OPCML: variants seen among roughly 807,000 people sequenced by gnomAD.
OPCML encodes opioid binding protein/cell adhesion molecule like.
OPCML carries 13 observed loss-of-function variants against 37.8 expected under a neutral mutation model. The ratio of observed to expected loss-of-function variants is 0.34; its 90% confidence interval spans 0.22 to 0.55. The LOEUF is 0.55. OPCML is among the 20% of genes least tolerant of loss of function. The pLI, the probability that OPCML is intolerant of heterozygous loss-of-function variation, is 0.91. For missense variants in OPCML, 341 were observed against 435.6 expected (o/e 0.78, Z 1.93); for synonymous variants, 176 against 168.8 (o/e 1.04, Z -0.33).
intron 2 of OPCML, among the ~76,000 whole-genome samples, chr11:132,776,923 C>T (rs946272429): frequency 2.6e-5 from 4 of 152,000 alleles, no homozygotes; most frequent in Non-Finnish European, 5.9e-5. Context: ...TATCAAAGGC[C>T]AGAGGGATCA....
intron 1 of OPCML, among the ~76,000 whole-genome samples, chr11:133,519,535 A>G (rs1279445182): frequency 6.6e-6 from 1 of 152,188 alleles, no homozygotes; most frequent in African/African-American, 2.4e-5. Context: ...AGTTGAAAAT[A>G]AAGGAGAATC....
intron 1 of OPCML, chr11:133,005,311 C>A (rs1475596946): frequency 7.1e-6 from 7 of 985,240 alleles, no homozygotes; most frequent in Non-Finnish European, 8.4e-6. Context: ...TAGATCCATT[C>A]CCCCACATTG....
intron 1 of OPCML, among the ~76,000 whole-genome samples, chr11:133,017,999 G>T (rs756643253): frequency 3.9e-5 from 6 of 152,186 alleles, no homozygotes; most frequent in Non-Finnish European, 4.4e-5. Flanking sequence ...CGCTCTGGGA[G>T]CATGGGATCA....
At chr11:133,462,565 T>C (rs1381553637) in intron 1 of OPCML, among the ~76,000 whole-genome samples, 1 of 151,002 alleles carries the variant, frequency 6.6e-6, no homozygotes, top group Non-Finnish European at 1.5e-5. Flanking sequence ...CGAATGGCAA[T>C]AAGCATGTGA....
rs200689918 is a variant in OPCML at position 133,229,887 on chromosome 11, T to TTG, written c.62-286879_62-286878dup. The stretch of plus-strand genomic sequence containing the variant: ...AGTGCGTATTTCCCTTTCAGTTTTA[T>TTG]TGTGTGTGTGTGGATGTACATGTGG... On this transcript the variant is annotated intron_variant, in intron 1 of 7. Coordinates refer to ENST00000524381, the MANE Select transcript of OPCML (RefSeq NM_001012393.5). 8.8e-3 allele frequency among the ~76,000 whole-genome samples: 1,333 copies of TTG among 152,198 alleles called. 12 individuals carry two copies. Among genetic ancestry groups the TTG allele is most frequent in the East Asian group, 0.029 (150 of 5,176 alleles).
chr11:133,204,058 C>CTAAAAA (rs1938925154), intron 1 of OPCML, among the ~76,000 whole-genome samples: 1 of 66,510 alleles, frequency 1.5e-5, no homozygotes, highest in African/African-American at 5.4e-5. Context: ...GACTCTGTCT[C>CTAAAAA]AAAAAAAAAA....
At chr11:133,300,375 C>A (rs2186826) in intron 1 of OPCML, 88,505 of 151,950 alleles carry the variant, frequency 0.58, 27,087 homozygotes, top group East Asian at 0.85. Context: ...TTTTGTCCCC[C>A]AAACATCCTT....
intron 2 of OPCML, among the ~76,000 whole-genome samples, chr11:132,767,446 G>A (rs552780103): frequency 9.2e-5 from 14 of 152,094 alleles, no homozygotes; most frequent in Admixed American, 7.2e-4. Flanking sequence ...ACCTGAAGCC[G>A]GCACCAAAAG....
chr11:132,887,919 T>C (rs1285639982), intron 2 of OPCML, among the ~76,000 whole-genome samples: 1 of 152,266 alleles, frequency 6.6e-6, no homozygotes, highest in East Asian at 1.9e-4. Context: ...ATACATAGCA[T>C]AGGGAAAGTT....
intron 1 of OPCML, among the ~76,000 whole-genome samples, chr11:133,017,858 C>T (rs1336015472): frequency 6.6e-6 from 1 of 152,212 alleles, no homozygotes; most frequent in Non-Finnish European, 1.5e-5. Context: ...GACCAGCAGT[C>T]GTTTTCAATG....
chr11:133,446,174 G>A (rs895318420), intron 1 of OPCML, among the ~76,000 whole-genome samples: 1 of 152,098 alleles, frequency 6.6e-6, no homozygotes, highest in Non-Finnish European at 1.5e-5. Context: ...CAGTGGTTAT[G>A]AGATTTAAGC....
intron 2 of OPCML, among the ~76,000 whole-genome samples, chr11:132,722,664 A>G (rs897644887): frequency 6.6e-6 from 1 of 152,080 alleles, no homozygotes; most frequent in Non-Finnish European, 1.5e-5. Context: ...GTAGCTATCT[A>G]TCATGTCTCC....
chr11:133,464,682 C>G (rs1469292728), intron 1 of OPCML, among the ~76,000 whole-genome samples: 1 of 152,054 alleles, frequency 6.6e-6, no homozygotes, highest in Non-Finnish European at 1.5e-5. Context: ...GGCTGTGTGG[C>G]TGAGGTGGAC....
chr11:132,832,498 A>C (rs1591671449), intron 2 of OPCML, among the ~76,000 whole-genome samples: 1 of 152,222 alleles, frequency 6.6e-6, no homozygotes, highest in Admixed American at 6.5e-5. Flanking sequence ...ATGATGTGCA[A>C]CTTACATGCA....
chr11:132,456,768 G>C (rs535248449), intron 4 of OPCML, among the ~76,000 whole-genome samples: 1 of 152,294 alleles, frequency 6.6e-6, no homozygotes, highest in South Asian at 2.1e-4. Flanking sequence ...ATTGTCTATT[G>C]AGTATTGTTC....
chr11:132,868,570 G>T (rs1410239078), intron 2 of OPCML, among the ~76,000 whole-genome samples: 1 of 152,112 alleles, frequency 6.6e-6, no homozygotes, highest in South Asian at 2.1e-4. Context: ...CTAGTGAAGT[G>T]TGAAGTCCAA....
chr11:133,076,915 A>G (rs1247757490), intron 1 of OPCML, among the ~76,000 whole-genome samples: 1 of 152,086 alleles, frequency 6.6e-6, no homozygotes, highest in Non-Finnish European at 1.5e-5. Context: ...CAGTTGATTG[A>G]TTTCTAGTAG....
At chr11:132,829,687 T>A (rs1211201664) in intron 2 of OPCML, among the ~76,000 whole-genome samples, 1 of 152,224 alleles carries the variant, frequency 6.6e-6, no homozygotes, top group Non-Finnish European at 1.5e-5. Flanking sequence ...TGCCTGCTTT[T>A]ACTGAGCATA....
intron 1 of OPCML, among the ~76,000 whole-genome samples, chr11:133,363,469 C>T (rs1944467530): frequency 6.6e-6 from 1 of 152,298 alleles, no homozygotes; most frequent in Non-Finnish European, 1.5e-5. Context: ...AAAAGGCACA[C>T]GGATTATGGG....
Sources: gnomAD v4.1 joint callset for allele counts (sites outside exome capture counted in the v4.1 genomes callset) on GRCh38, gnomAD v4.1.1 for gene constraint, MANE v1.5 for transcripts, NCBI Gene and HGNC (gene_info 2026-07-23, HGNC 2026-07-21) for gene names.